The following ENO4 variants were observed in gnomAD, a reference collection of about 807,000 sequenced individuals.
ENO4 encodes enolase 4.
Under a neutral mutation model 63.2 loss-of-function variants are expected in ENO4, and 53 were observed. That is an observed-to-expected ratio of 0.84 (90% confidence interval 0.67 to 1.05). The LOEUF (loss-of-function observed/expected upper bound fraction) is 1.05, where lower values mean the gene tolerates loss of function less well. ENO4 is among the 50% of genes least tolerant of loss of function. The pLI is 0.00. For missense variants in ENO4, 719 were observed against 772.0 expected (o/e 0.93, Z 0.81); for synonymous variants, 266 against 283.8 (o/e 0.94, Z 0.63).
chr10:116,901,821 C>G (rs533080491), intron 10 of ENO4: 1 of 1,601,140 alleles, frequency 6.2e-7, no homozygotes, highest in African/African-American at 1.4e-5. Flanking sequence ...CTTCACCTGG[C>G]TCAGGTGTTG....
At chr10:116,903,479 C>T (rs1317477158) in intron 10 of ENO4, among the ~76,000 whole-genome samples, 1 of 151,876 alleles carries the variant, frequency 6.6e-6, no homozygotes, top group Non-Finnish European at 1.5e-5. Context: ...GAGCCGAGAT[C>T]ACGCCACTGC....
At chr10:116,853,620 C>T (rs901303948) in intron 1 of ENO4, among the ~76,000 whole-genome samples, 15 of 152,176 alleles carry the variant, frequency 9.9e-5, no homozygotes, top group East Asian at 9.6e-4. Flanking sequence ...TAACACAACA[C>T]GCGGCACATT....
chr10:116,854,940 C>CAAAAAAAAAAAAAAAAA (rs71013620), intron 1 of ENO4, among the ~76,000 whole-genome samples: 2 of 41,524 alleles, frequency 4.8e-5, no homozygotes, highest in African/African-American at 2.4e-4. Context: ...GACCCTGTCT[C>CAAAAAAAAAAAAAAAAA]AAAAAAAAAA....
At chr10:116,877,685 G>A (rs1248179893) in intron 11 of ENO4, among the ~76,000 whole-genome samples, 1 of 152,150 alleles carries the variant, frequency 6.6e-6, no homozygotes. Context: ...CCAGCAATGG[G>A]GATCAGGGGA....
In ENO4 at chr10:116,849,828, T is replaced by G. The variant is rs999184971; in HGVS notation, c.165+97T>G. 3.1e-5 allele frequency: 42 copies of G among 1,357,948 alleles called. No homozygotes were observed. The Admixed American group carries it at 3.8e-4, about 12-fold the overall frequency. 84.1% of individuals were successfully genotyped at this position (1,357,948 alleles called of 1,614,324 possible). ...GCGCCTGCGCCTGCGCCTCAGAATCTCGCATGCCAGCCGCCCGGGCCCTGG... is the reference window on the plus strand; with the variant it reads ...GCGCCTGCGCCTGCGCCTCAGAATCGCGCATGCCAGCCGCCCGGGCCCTGG... On this transcript the variant is annotated intron_variant, in intron 1 of 13. Coordinates refer to ENST00000341276, the MANE Select transcript of ENO4 (RefSeq NM_001242699.2).
At chr10:116,849,800 C>G in intron 1 of ENO4, 69 bp downstream of exon 1, 1 of 1,439,024 alleles carries the variant, frequency 6.9e-7, no homozygotes, top group Non-Finnish European at 9.3e-7. Flanking sequence ...GCGGCAACGC[C>G]TTGCGCCTGC....
At chr10:116,895,312 C>T (rs750421612) in intron 10 of ENO4, among the ~76,000 whole-genome samples, 2 of 152,164 alleles carry the variant, frequency 1.3e-5, no homozygotes, top group East Asian at 1.9e-4. Context: ...CTTATGCTGA[C>T]GACTAAAGTA....
At chr10:116,911,547 A>G in exon 11 of ENO4, 1 of 1,550,670 alleles carries the variant, frequency 6.4e-7, no homozygotes, top group Non-Finnish European at 8.7e-7. Flanking sequence ...CAAGAACAGG[A>G]AACAATGACT....
downstream of ENO4, chr10:116,886,194 T>C: frequency 9.1e-7 from 1 of 1,096,678 alleles, no homozygotes; most frequent in Non-Finnish European, 1.3e-6. Flanking sequence ...ATGTTTATAG[T>C]TGCTACTTAC....
intron 10 of ENO4, chr10:116,906,818 A>C: frequency 8.2e-7 from 1 of 1,218,992 alleles, no homozygotes; most frequent in African/African-American, 1.6e-5. Context: ...TATAAAAATC[A>C]AACCATGAAA....
rs903822313 is a variant in ENO4 at position 116,855,186 on chromosome 10, G to T, written c.166-437G>T. Among the ~76,000 whole-genome samples, 3 of 152,142 alleles carry T rather than the reference G, an allele frequency of 2.0e-5. No homozygotes were observed. The South Asian group carries it at 6.2e-4, about 32-fold the overall frequency. On this transcript the variant is annotated intron_variant, in intron 1 of 13. Coordinates refer to ENST00000341276, the MANE Select transcript of ENO4 (RefSeq NM_001242699.2). ...CGCACGCCTGTAGTCCCTGCTACTC[G>T]GGAGGCTGAGGCAGGAGAACTGCTT...
chr10:116,851,682 G>T lies in ENO4; in HGVS notation c.165+1951G>T, dbSNP rs117027024. 5.0e-3 allele frequency among the ~76,000 whole-genome samples: 758 copies of T among 152,210 alleles called. 1 individual carries two copies. The highest frequency in any genetic ancestry group is 9.8e-3 in the Admixed American group (150 of 15,290). ...TCAGAACCTCCTGTGGCTTTCCCGT[G>T]CTTGCTGGCCTTCATGTGTGTGGTT... On this transcript the variant is annotated intron_variant, in intron 1 of 13. Coordinates refer to ENST00000341276, the MANE Select transcript of ENO4 (RefSeq NM_001242699.2).
At chr10:116,910,246 T>G (rs894689778) in intron 10 of ENO4, among the ~76,000 whole-genome samples, 4 of 152,168 alleles carry the variant, frequency 2.6e-5, no homozygotes, top group Non-Finnish European at 5.9e-5. Flanking sequence ...TGAGCTCTAC[T>G]TTTAAAAAAA....
chr10:116,860,863 G>A lies in ENO4; in HGVS notation c.704G>A (p.Ser235Asn), dbSNP rs780075299. 3.9e-6 allele frequency: 6 copies of A among 1,549,466 alleles called. 1 individual carries two copies. In the South Asian group the frequency reaches 7.2e-5, roughly 18 times the overall value. The change falls in exon 5 of 14, where the codon AGT (serine) becomes AAT (asparagine). Residue 235 changes from serine (S) to asparagine (N), a missense_variant. Physicochemically the swap from Ser to Asn is conservative, Grantham distance 46. Around this residue, in one of 3 missense-constraint regions of ENO4, gnomAD observed 544 missense variants for 583.6 expected, o/e 0.93. Coordinates refer to ENST00000341276, the MANE Select transcript of ENO4 (RefSeq NM_001242699.2). ...CCTGTTGAGCCTGTACTCAGTGGCA[G>A]TATGGCCATAGGGGCCGTGTCACTA... ...AEPVEPVLSG[S>N]MAIGAVSLAV...
chr10:116,911,683 G>T, exon 11 of ENO4: 3 of 1,580,176 alleles, frequency 1.9e-6, no homozygotes, highest in Non-Finnish European at 2.6e-6. Flanking sequence ...GAGGCTAATT[G>T]TAAATGGGAA....
chr10:116,897,912 G>A (rs959186063), intron 10 of ENO4, among the ~76,000 whole-genome samples: 4 of 152,016 alleles, frequency 2.6e-5, no homozygotes, highest in African/African-American at 9.7e-5. Context: ...TCCCCCTCCC[G>A]TCTACAGGCT....
At chr10:116,867,059 A>T (rs567192845) in intron 7 of ENO4, among the ~76,000 whole-genome samples, 6 of 152,312 alleles carry the variant, frequency 3.9e-5, no homozygotes, top group Non-Finnish European at 7.3e-5. Context: ...ATGTCTATAG[A>T]TAACCTTAGC....
intron 10 of ENO4, among the ~76,000 whole-genome samples, chr10:116,889,324 A>G (rs549786973): frequency 1.7e-4 from 26 of 152,346 alleles, no homozygotes; most frequent in African/African-American, 6.3e-4. Flanking sequence ...TCTCAGTCCA[A>G]AGAACGATCT....
intron 9 of ENO4, among the ~76,000 whole-genome samples, chr10:116,871,552 A>G (rs543900183): frequency 3.9e-4 from 60 of 152,276 alleles, no homozygotes; most frequent in African/African-American, 1.4e-3. Flanking sequence ...AAAATGAGTT[A>G]CTTACATTGC....
Sources: gnomAD v4.1 joint callset for allele counts (sites outside exome capture counted in the v4.1 genomes callset) on GRCh38, gnomAD v4.1.1 for gene constraint, gnomAD v4.1.1 regional missense constraint, MANE v1.5 for transcripts, NCBI Gene and HGNC (gene_info 2026-07-23, HGNC 2026-07-21) for gene names.